The following CCDC33 variants were observed in gnomAD, a reference collection of about 807,000 sequenced individuals.
CCDC33 encodes the protein coiled-coil domain-containing protein 33.
A neutral mutation model predicts 91.9 loss-of-function variants in CCDC33; 94 were observed. The ratio of observed to expected loss-of-function variants is 1.02; its 90% CI spans 0.87 to 1.21. CCDC33 has a LOEUF of 1.21. Among genes scored for constraint, CCDC33 ranks in the 50% most tolerant of loss-of-function variants. The probability of loss-of-function intolerance (pLI) is 0.00; values close to 1 mark genes in which losing one functional copy is unlikely to be tolerated. For missense variants in CCDC33, 940 were observed against 935.5 expected (o/e 1.00, Z -0.06); for synonymous variants, 396 against 374.5 (o/e 1.06, Z -0.66).
At chr15:74,295,143 G>T (rs1029978835) in intron 10 of CCDC33, among the ~76,000 whole-genome samples, 2 of 152,198 alleles carry the variant, frequency 1.3e-5, no homozygotes, top group Non-Finnish European at 2.9e-5. Context: ...ACTGCACCAA[G>T]TGTGGGTGCC....
chr15:74,242,811 C>G (rs1418472152), intron 1 of CCDC33, among the ~76,000 whole-genome samples: 1 of 152,132 alleles, frequency 6.6e-6, no homozygotes, highest in African/African-American at 2.4e-5. Flanking sequence ...ATATGCCCAG[C>G]TCTGCCGTCT....
chr15:74,239,890 T>C (rs2142245413), intron 1 of CCDC33, among the ~76,000 whole-genome samples: 1 of 152,352 alleles, frequency 6.6e-6, no homozygotes, highest in South Asian at 2.1e-4. Flanking sequence ...ATATGCATTT[T>C]CTGTTCCCTC....
At chr15:74,251,651 C>A (rs2142315312) in intron 2 of CCDC33, among the ~76,000 whole-genome samples, 1 of 152,246 alleles carries the variant, frequency 6.6e-6, no homozygotes, top group Admixed American at 6.5e-5. Flanking sequence ...CAGATCAGGG[C>A]CAGCTAGAGT....
intron 1 of CCDC33, among the ~76,000 whole-genome samples, chr15:74,238,105 G>C (rs1274418915): frequency 6.6e-6 from 1 of 151,816 alleles, no homozygotes; most frequent in Non-Finnish European, 1.5e-5. Flanking sequence ...TCCAGCCTGG[G>C]CAACAGTGTG....
At position 74,240,091 on chromosome 15, in the gene CCDC33, T is replaced by C. The variant is rs192634767; in HGVS notation, c.21+3351T>C. Among the ~76,000 whole-genome samples, 310 of 152,334 alleles carry C rather than the reference T, an allele frequency of 2.0e-3. 3 individuals are homozygous for C. The highest frequency in any genetic ancestry group is 0.019 in the South Asian group (93 of 4,834). On this transcript the variant is annotated intron_variant, in intron 1 of 18. Transcript: ENST00000398814. The stretch of plus-strand genomic sequence containing the variant: ...CCTTGGCCCCAAGCCTCCCTGGCCC[T>C]GGGCCCAGCCTGCCCAGCGGGCACA...
At chr15:74,215,289 A>C (rs533416152), upstream of CCDC33, among the ~76,000 whole-genome samples, 1 of 152,304 alleles carries the variant, frequency 6.6e-6, no homozygotes, top group South Asian at 2.1e-4. Context: ...TGAAAAGACA[A>C]ATACTGTAAG....
At chr15:74,321,849 C>A (rs2060213629) in intron 11 of CCDC33, among the ~76,000 whole-genome samples, 1 of 152,138 alleles carries the variant, frequency 6.6e-6, no homozygotes, top group African/African-American at 2.4e-5. Context: ...CTGAGTAAGT[C>A]AGGGAGGCAG....
intron 16 of CCDC33, chr15:74,333,093 G>A: frequency 1.2e-6 from 1 of 836,924 alleles, no homozygotes; most frequent in Non-Finnish European, 1.9e-6. Flanking sequence ...TTGACCCTTG[G>A]TCCCTGAACC....
At chr15:74,203,570 G>A (rs1230975306) in intron 1 of CCDC33, among the ~76,000 whole-genome samples, 1 of 152,254 alleles carries the variant, frequency 6.6e-6, no homozygotes, top group South Asian at 2.1e-4. Context: ...GACCCTGTCA[G>A]CTAAGGCAGT....
intron 11 of CCDC33, chr15:74,300,187 G>A (rs1040701707): frequency 1.3e-5 from 2 of 152,372 alleles, no homozygotes; most frequent in African/African-American, 4.8e-5. Context: ...ATGAACTCAA[G>A]CGACCATGAG....
chr15:74,211,252 A>T (rs997265339), intron 2 of CCDC33, among the ~76,000 whole-genome samples: 4 of 150,934 alleles, frequency 2.7e-5, no homozygotes, highest in African/African-American at 9.8e-5. Context: ...TGGCTGGGAG[A>T]CTCCTTCTGG....
At chr15:74,251,446 T>C (rs1483689965) in intron 2 of CCDC33, among the ~76,000 whole-genome samples, 1 of 152,240 alleles carries the variant, frequency 6.6e-6, no homozygotes, top group Admixed American at 6.5e-5. Context: ...GAAAAGGGGC[T>C]AGCCAGGAGA....
chr15:74,220,714 T>G (rs558418055), intron 2 of CCDC33, among the ~76,000 whole-genome samples: 4 of 152,352 alleles, frequency 2.6e-5, no homozygotes, highest in Admixed American at 6.5e-5. Flanking sequence ...GATGTCTGCT[T>G]CTGCCAAGAC....
At chr15:74,323,500 C>T (rs2060246385) in intron 11 of CCDC33, among the ~76,000 whole-genome samples, 1 of 150,136 alleles carries the variant, frequency 6.7e-6, no homozygotes, top group African/African-American at 2.5e-5. Flanking sequence ...TCTGTCCTTG[C>T]TTTGCTTCTT....
At chr15:74,298,021 A>G (rs1329990688) in intron 11 of CCDC33, among the ~76,000 whole-genome samples, 2 of 152,212 alleles carry the variant, frequency 1.3e-5, no homozygotes, top group Non-Finnish European at 2.9e-5. Context: ...CTGACATAGC[A>G]CAACCAAGGA....
chr15:74,252,410 A>G (rs2075736400), intron 2 of CCDC33, among the ~76,000 whole-genome samples: 1 of 152,170 alleles, frequency 6.6e-6, no homozygotes. Flanking sequence ...AAAAATAACA[A>G]TAACACAGTG....
At chr15:74,232,963 C>T (rs1041922299), upstream of CCDC33, among the ~76,000 whole-genome samples, 2 of 152,184 alleles carry the variant, frequency 1.3e-5, no homozygotes, top group Admixed American at 6.5e-5. Context: ...GCCCACTTGC[C>T]CTCTTCTCTA....
At chr15:74,279,901 T>A (rs351165) in intron 7 of CCDC33, 62 bp from the exon 8 acceptor site, 1,568,549 of 1,575,228 alleles carry the variant, frequency 1, 781,175 homozygotes, top group East Asian at 1. Flanking sequence ...CAAATATCTG[T>A]GTATGCCTTG....
At position 74,330,729 on chromosome 15, in the gene CCDC33, A is replaced by T. The variant is rs1265471027; in HGVS notation, c.1523A>T (p.His508Leu). 4.3e-6 allele frequency: 7 copies of T among 1,613,162 alleles called. No individual in the cohort carries two copies. The highest frequency in any genetic ancestry group is 5.9e-6 in the Non-Finnish European group (7 of 1,179,908). The change falls in exon 13 of 19, where the codon CAT becomes CTT. Residue 508 changes from histidine to leucine, a missense_variant. Physicochemically the swap from His to Leu is moderately conservative, Grantham distance 99. Transcript: ENST00000398814. ...DMKKLRDRVQHLQNELIRKND... is the reference protein window; with the variant it reads ...DMKKLRDRVQLLQNELIRKND... ...AAGAAACTGAGGGACAGGGTGCAGCATTTGCAGAATGAGCTGATTCGAGTG... is the reference window on the plus strand; with the variant it reads ...AAGAAACTGAGGGACAGGGTGCAGCTTTTGCAGAATGAGCTGATTCGAGTG...
Sources: allele counts gnomAD v4.1 joint callset (sites outside exome capture counted in the v4.1 genomes callset), GRCh38; gene constraint gnomAD v4.1.1; transcripts MANE v1.5; gene names NCBI Gene and HGNC (gene_info 2026-07-23, HGNC 2026-07-21).